Variants in UNC13C observed in about 807,000 individuals in gnomAD.
The protein encoded by UNC13C is protein unc-13 homolog C.
UNC13C carries 174 observed loss-of-function variants against 245.4 expected under a neutral mutation model. The observed-to-expected ratio is 0.71, with a 90% CI of 0.63 to 0.80. The LOEUF (loss-of-function observed/expected upper bound fraction) is 0.80. Among genes scored for constraint, UNC13C ranks in the 30% least tolerant of loss-of-function variants. The probability of loss-of-function intolerance (pLI) is 0.00; values close to 1 mark genes in which losing one functional copy is unlikely to be tolerated. For missense variants in UNC13C, 2,829 were observed against 2,602.9 expected (o/e 1.09, Z -1.89); for synonymous variants, 992 against 895.1 (o/e 1.11, Z -1.93).
intron 16 of UNC13C, among the ~76,000 whole-genome samples, chr15:54,337,058 A>G (rs1313445604): frequency 6.6e-6 from 1 of 152,106 alleles, no homozygotes; most frequent in African/African-American, 2.4e-5. Context: ...TTTTGACCAC[A>G]CTGTAATCAG....
chr15:54,464,558 A>T (rs1420713309), intron 19 of UNC13C, among the ~76,000 whole-genome samples: 1 of 152,148 alleles, frequency 6.6e-6, no homozygotes, highest in Admixed American at 6.5e-5. Context: ...TATATGAGTT[A>T]AATGTATTTT....
chr15:54,007,885 C>G (rs1895213524), intron 1 of UNC13C, among the ~76,000 whole-genome samples: 2 of 152,122 alleles, frequency 1.3e-5, no homozygotes, highest in South Asian at 4.1e-4. Context: ...GGGAGGTGAA[C>G]TCCTTGGGCT....
At chr15:54,103,081 G>A (rs934192) in intron 2 of UNC13C, among the ~76,000 whole-genome samples, 24,532 of 152,058 alleles carry the variant, frequency 0.16, 2,050 homozygotes, top group East Asian at 0.25. Context: ...GGTACAAATC[G>A]GGGAGAGAAA....
chr15:54,295,593 G>A (rs2037406734), intron 11 of UNC13C, among the ~76,000 whole-genome samples: 1 of 151,938 alleles, frequency 6.6e-6, no homozygotes, highest in South Asian at 2.1e-4. Context: ...TGAGGCTGCA[G>A]TGGACTAAAA....
rs1891794128 is a variant in UNC13C at position 54,460,663 on chromosome 15, C to T, written c.4934-33945C>T. On this transcript the variant is annotated intron_variant, in intron 19 of 32. Coordinates refer to ENST00000260323, the MANE Select transcript of UNC13C (RefSeq NM_001080534.3). ...CATAGAGCTCCCAAGAGTTTACGTC[C>T]TTTGTCTTCACAGTTTTCCAGTTGT... Among the ~76,000 whole-genome samples the T allele has an allele frequency of 2.0e-5, 3 of 152,226 alleles. 1 individual carries two copies. In the South Asian group the frequency reaches 6.2e-4, roughly 31 times the overall value.
At chr15:54,597,945 T>C (rs962707237) in intron 30 of UNC13C, among the ~76,000 whole-genome samples, 2 of 152,232 alleles carry the variant, frequency 1.3e-5, no homozygotes, top group Non-Finnish European at 2.9e-5. Flanking sequence ...TAATATTTTA[T>C]GAGCAAAATA....
the UNC13C span, among the ~76,000 whole-genome samples, chr15:53,905,509 T>A: frequency 2.0e-5 from 3 of 151,450 alleles, no homozygotes; most frequent in African/African-American, 7.3e-5. Flanking sequence ...CCAAATGAGA[T>A]AAGCCAGGCA....
rs562476379 is a variant in UNC13C at position 54,013,620 on chromosome 15, A to G, written c.717A>G (p.Thr239=). 8 of 1,613,580 alleles carry G rather than the reference A, an allele frequency of 5.0e-6. 1 individual carries two copies. The South Asian group carries it at 5.5e-5, about 11-fold the overall frequency. The change falls in exon 2 of 33, where the codon ACA becomes ACG. Residue 239 remains threonine (T), a synonymous_variant. Coordinates refer to ENST00000260323, the MANE Select transcript of UNC13C (RefSeq NM_001080534.3). ...GTTCCTCTGGCTGCATTAGCCAAAC[A>G]CATGATGTCATGGAAATGATCTTTA... ...GFSSSGCISQ[T]HDVMEMIFKE... is the part of the protein sequence containing the mutation.
intron 19 of UNC13C, among the ~76,000 whole-genome samples, chr15:54,474,308 CT>C (rs2141048438): frequency 6.6e-6 from 1 of 151,996 alleles, no homozygotes; most frequent in South Asian, 2.1e-4. Flanking sequence ...TGTAAGAGTT[CT>C]TTTTTCTCTG....
chr15:53,891,349 G>C, the UNC13C span, among the ~76,000 whole-genome samples: 1 of 152,156 alleles, frequency 6.6e-6, no homozygotes, highest in African/African-American at 2.4e-5. Flanking sequence ...GTTGATTTGG[G>C]GTGGAGAGTT....
chr15:54,589,418 C>T (rs1305739214), intron 30 of UNC13C, among the ~76,000 whole-genome samples: 1 of 149,564 alleles, frequency 6.7e-6, no homozygotes, highest in Non-Finnish European at 1.5e-5. Flanking sequence ...CCTGCCTCAG[C>T]CTCCCGAATA....
intron 2 of UNC13C, among the ~76,000 whole-genome samples, chr15:54,066,257 C>T (rs1898070915): frequency 6.6e-6 from 1 of 152,178 alleles, no homozygotes; most frequent in Non-Finnish European, 1.5e-5. Flanking sequence ...TGTCTTCTAG[C>T]ATGATGGCCA....
chr15:54,627,000 G>T lies in UNC13C; in HGVS notation c.6532G>T (p.Asp2178Tyr), dbSNP rs1256753989. 3.1e-6 allele frequency: 5 copies of T among 1,613,314 alleles called. No individual in the cohort carries two copies. Among genetic ancestry groups the T allele is most frequent in the Non-Finnish European group, 4.2e-6 (5 of 1,179,596 alleles). Reference protein sequence around the residue: ...WYPLLKNISMDETGLTILRIL... With the variant: ...WYPLLKNISMYETGLTILRIL... ...TCCTCTTCTGAAAAATATCTCTATG[G>T]ATGAAACTGGTTTGACTATCCTTAG... The change falls in exon 33 of 33, where the codon GAT (aspartate) becomes TAT (tyrosine). Residue 2178 changes from aspartate to tyrosine, a missense_variant. Transcript: ENST00000260323.
chr15:54,060,720 A>T (rs62009795), intron 2 of UNC13C, among the ~76,000 whole-genome samples: 1 of 151,766 alleles, frequency 6.6e-6, no homozygotes, highest in Admixed American at 6.6e-5. Flanking sequence ...AACCAACCCA[A>T]ATGTCCAACA....
chr15:54,589,446 A>G (rs1363298007), intron 30 of UNC13C, among the ~76,000 whole-genome samples: 3 of 151,174 alleles, frequency 2.0e-5, no homozygotes, highest in African/African-American at 4.9e-5. Flanking sequence ...TTACAGGCAC[A>G]TGCCACCATG....
At chr15:54,202,937 C>T (rs2034569670) in intron 4 of UNC13C, among the ~76,000 whole-genome samples, 1 of 151,858 alleles carries the variant, frequency 6.6e-6, no homozygotes, top group African/African-American at 2.4e-5. Flanking sequence ...GGACTAATAT[C>T]CAGAGTTTAC....
intron 8 of UNC13C, 107 bp downstream of exon 8, chr15:54,250,551 G>A (rs2036118107): frequency 1.3e-5 from 13 of 993,468 alleles, no homozygotes; most frequent in East Asian, 2.6e-5. Context: ...AATCCTACCC[G>A]CTCCCCTCCC....
At chr15:54,587,282 G>T (rs1898543721) in intron 30 of UNC13C, among the ~76,000 whole-genome samples, 1 of 152,004 alleles carries the variant, frequency 6.6e-6, no homozygotes, top group African/African-American at 2.4e-5. Flanking sequence ...GAGGTGAAAT[G>T]ACAGAATTCT....
chr15:54,228,864 G>A (rs2035469600), intron 4 of UNC13C, among the ~76,000 whole-genome samples: 1 of 152,132 alleles, frequency 6.6e-6, no homozygotes, highest in Non-Finnish European at 1.5e-5. Flanking sequence ...CCACCTAGAT[G>A]GTGTATCTCT....
Sources: allele counts gnomAD v4.1 joint callset (sites outside exome capture counted in the v4.1 genomes callset), GRCh38; gene constraint gnomAD v4.1.1; transcripts MANE v1.5; gene names NCBI Gene and HGNC (gene_info 2026-07-23, HGNC 2026-07-21).